The following DLGAP2 variants were observed in gnomAD, a reference collection of about 807,000 sequenced individuals.
The protein encoded by DLGAP2 is DLG associated protein 2, also known as disks large-associated protein 2.
Under a neutral mutation model 100.3 loss-of-function variants are expected in DLGAP2, and 26 were observed. That is an observed-to-expected ratio of 0.26 (90% CI 0.19 to 0.36). The LOEUF is 0.36. Among genes scored for constraint, DLGAP2 ranks in the 10% least tolerant of loss-of-function variants. The probability of loss-of-function intolerance (pLI) is 1.00; values close to 1 mark genes in which losing one functional copy is unlikely to be tolerated. For missense variants in DLGAP2, 1,858 were observed against 1,453.2 expected, an observed-to-expected ratio of 1.28 and a Z score of -4.53; for synonymous variants, 886 against 630.1, an observed-to-expected ratio of 1.41 and a Z score of -6.08.
At chr8:1,656,322 A>G (rs941890531) in intron 8 of DLGAP2, among the ~76,000 whole-genome samples, 2 of 152,086 alleles carry the variant, frequency 1.3e-5, no homozygotes, top group African/African-American at 2.4e-5. Flanking sequence ...AAAAAAAAAA[A>G]AGTTTGAGCC....
At position 871,339 on chromosome 8, in the gene DLGAP2, A is replaced by G. The variant is rs148224184; in HGVS notation, c.19-36573A>G. On this transcript the variant is annotated intron_variant, in intron 1 of 14. Coordinates refer to ENST00000637795, the MANE Select transcript of DLGAP2 (RefSeq NM_001346810.2). ...GGATGGAACCTTTATCACCTGCTACATTTCCATTTGCACTTTGGGTTACTT... is the reference window on the plus strand; with the variant it reads ...GGATGGAACCTTTATCACCTGCTACGTTTCCATTTGCACTTTGGGTTACTT... Among the ~76,000 whole-genome samples the G allele has an allele frequency of 3.8e-4, 58 of 152,292 alleles. 1 individual carries two copies. Among genetic ancestry groups the G allele is most frequent in the African/African-American group, 6.7e-4 (28 of 41,556 alleles).
chr8:1,277,089 A>C (rs999193905), intron 3 of DLGAP2, among the ~76,000 whole-genome samples: 6 of 152,152 alleles, frequency 3.9e-5, no homozygotes, highest in Non-Finnish European at 8.8e-5. Context: ...TACCTTCTGG[A>C]ATATTATGTC....
intron 1 of DLGAP2, among the ~76,000 whole-genome samples, chr8:799,611 C>A (rs928549526): frequency 1.3e-5 from 2 of 152,152 alleles, no homozygotes; most frequent in Non-Finnish European, 2.9e-5. Flanking sequence ...ACTGTGAACT[C>A]ACTTTTAAAG....
intron 8 of DLGAP2, among the ~76,000 whole-genome samples, chr8:1,656,236 G>A (rs1322733389): frequency 1.3e-5 from 2 of 152,078 alleles, no homozygotes; most frequent in Non-Finnish European, 2.9e-5. Context: ...CTTGAACCCG[G>A]GAGGCGGAGA....
chr8:834,724 C>A lies in DLGAP2; in HGVS notation c.19-73188C>A, dbSNP rs542294346. Among the ~76,000 whole-genome samples the A allele has an allele frequency of 1.4e-3, 213 of 152,262 alleles. 5 individuals are homozygous for A. The highest frequency in any genetic ancestry group is 1.9e-3 in the Non-Finnish European group (126 of 68,008). ...GCTATGCCCTATTGGGTACTACACT[C>A]AGTACCTGAGTGACAGGATCCTATT... On this transcript the variant is annotated intron_variant, in intron 1 of 14. Transcript: ENST00000637795.
intron 3 of DLGAP2, among the ~76,000 whole-genome samples, chr8:1,472,765 A>C (rs147584065): frequency 6.6e-6 from 1 of 152,212 alleles, no homozygotes; most frequent in Non-Finnish European, 1.5e-5. Flanking sequence ...TGGGGTGACA[A>C]GGATGCACAG....
chr8:986,866 GC>G (rs1319890136), intron 2 of DLGAP2, among the ~76,000 whole-genome samples: 1 of 152,008 alleles, frequency 6.6e-6, no homozygotes, highest in Non-Finnish European at 1.5e-5. Context: ...TGCCATGTTG[GC>G]CAGGCTGGTC....
chr8:1,134,527 T>C (rs1796363354), intron 2 of DLGAP2, among the ~76,000 whole-genome samples: 1 of 30,252 alleles, frequency 3.3e-5, no homozygotes, highest in Non-Finnish European at 7.5e-5. Context: ...TAGCCAGGAA[T>C]TTGCATTAAT....
chr8:838,833 CTG>C (rs930035793), intron 1 of DLGAP2, among the ~76,000 whole-genome samples: 95 of 152,330 alleles, frequency 6.2e-4, no homozygotes, highest in African/African-American at 2.3e-3. Context: ...TAAAGCTGGA[CTG>C]TGATTCCCCT....
At chr8:1,334,314 C>A (rs558082563) in intron 3 of DLGAP2, among the ~76,000 whole-genome samples, 4 of 152,204 alleles carry the variant, frequency 2.6e-5, no homozygotes, top group Admixed American at 6.5e-5. Context: ...TTAGAGCCAT[C>A]ACTGTGACCC....
At chr8:1,389,024 A>G (rs970538740) in intron 3 of DLGAP2, among the ~76,000 whole-genome samples, 5 of 133,648 alleles carry the variant, frequency 3.7e-5, no homozygotes, top group African/African-American at 1.5e-4. Flanking sequence ...GCCGTGGATG[A>G]GGAGGCGCTG....
intron 2 of DLGAP2, among the ~76,000 whole-genome samples, chr8:1,191,941 T>C (rs1286742991): frequency 1.3e-5 from 2 of 152,228 alleles, no homozygotes; most frequent in African/African-American, 4.8e-5. Flanking sequence ...GGCCATTGTT[T>C]TCTCATGTGC....
chr8:1,256,853 C>A (rs1049789563), intron 2 of DLGAP2, among the ~76,000 whole-genome samples: 3 of 152,148 alleles, frequency 2.0e-5, no homozygotes, highest in Admixed American at 6.5e-5. Flanking sequence ...TGCCCCGTGT[C>A]CCCTGGGTAA....
At chr8:1,075,010 A>C (rs2080116294) in intron 2 of DLGAP2, among the ~76,000 whole-genome samples, 1 of 146,000 alleles carries the variant, frequency 6.8e-6, no homozygotes, top group Non-Finnish European at 1.5e-5. Context: ...CAGTGCAGCC[A>C]GGGGTGGAGT....
At chr8:1,501,040 G>A (rs1799705134) in intron 3 of DLGAP2, among the ~76,000 whole-genome samples, 1 of 152,126 alleles carries the variant, frequency 6.6e-6, no homozygotes, top group African/African-American at 2.4e-5. Context: ...TTTTACTCAA[G>A]TCTGTTCCAA....
intron 6 of DLGAP2, chr8:1,619,868 C>T (rs762131212): frequency 2.0e-5 from 3 of 152,206 alleles, no homozygotes; most frequent in Non-Finnish European, 4.4e-5. Context: ...TACAAACTGC[C>T]TTCTGCGCAC....
At chr8:1,116,313 C>A (rs571051157) in intron 2 of DLGAP2, among the ~76,000 whole-genome samples, 1 of 152,230 alleles carries the variant, frequency 6.6e-6, no homozygotes. Flanking sequence ...CCAGCTGTGT[C>A]TCAGCCACAG....
intron 2 of DLGAP2, among the ~76,000 whole-genome samples, chr8:984,221 T>G (rs1800423206): frequency 6.6e-6 from 1 of 152,212 alleles, no homozygotes; most frequent in South Asian, 2.1e-4. Context: ...ACACCTGACC[T>G]TGGGCACAGC....
intron 2 of DLGAP2, among the ~76,000 whole-genome samples, chr8:1,103,075 C>T (rs562291444): frequency 7.3e-5 from 11 of 151,512 alleles, no homozygotes; most frequent in South Asian, 6.3e-4. Context: ...CCGGGGTCTT[C>T]GTAACTTTCT....
Sources: gnomAD v4.1 joint callset for allele counts (sites outside exome capture counted in the v4.1 genomes callset) on GRCh38, gnomAD v4.1.1 for gene constraint, MANE v1.5 for transcripts, NCBI Gene and HGNC (gene_info 2026-07-23, HGNC 2026-07-21) for gene names.